Variants in UNC79 observed in about 807,000 individuals in gnomAD.
UNC79 encodes the protein protein unc-79 homolog.
In UNC79, 37 loss-of-function variants were observed where a neutral mutation model predicts 283.1. The ratio of observed to expected loss-of-function variants is 0.13; its 90% CI spans 0.10 to 0.17. The LOEUF (loss-of-function observed/expected upper bound fraction) is 0.17. Among genes scored for constraint, UNC79 ranks in the 10% least tolerant of loss-of-function variants. The pLI is 1.00. For missense variants in UNC79, 2,272 were observed against 3,211.1 expected (o/e 0.71, Z 7.07); for synonymous variants, 1,107 against 1,200.2 (o/e 0.92, Z 1.61).
At chr14:93,336,956 T>C (rs556436754) in intron 1 of UNC79, among the ~76,000 whole-genome samples, 9 of 152,170 alleles carry the variant, frequency 5.9e-5, no homozygotes, top group African/African-American at 1.7e-4. Context: ...TATCCCCTTG[T>C]GATGGTGGTG....
rs138533648 is a variant in UNC79 at position 93,643,615 on chromosome 14, A to G, written c.5962A>G (p.Ile1988Val). Residue 1988 changes from isoleucine (I) to valine (V), a missense_variant, in exon 34 of 49, where the codon ATC becomes GTC. Ile to Val is a conservative substitution (Grantham distance 29, BLOSUM62 3). This residue lies in a region of UNC79 where 287 missense variants were observed against 446.4 expected (regional missense o/e 0.64). Transcript: ENST00000555664. The stretch of plus-strand genomic sequence containing the variant: ...CGATGAAGAGACACTTGGGCTAGCC[A>G]TCGTGGTCCTCTCCACATTCATTCA... 95 of 1,613,760 alleles carry G rather than the reference A, an allele frequency of 5.9e-5. No individual in the cohort carries two copies. The highest frequency in any genetic ancestry group is 4.7e-4 in the African/African-American group (35 of 75,052).
intron 1 of UNC79, among the ~76,000 whole-genome samples, chr14:93,335,556 T>A (rs2053560587): frequency 6.6e-6 from 1 of 152,344 alleles, no homozygotes; most frequent in African/African-American, 2.4e-5. Flanking sequence ...TAGATCTGGA[T>A]GGCCATATGA....
At position 93,368,455 on chromosome 14, in the gene UNC79, A is replaced by G. The variant is rs375012573; in HGVS notation, c.-351+34932A>G. Among the ~76,000 whole-genome samples, 11 of 152,122 alleles carry G rather than the reference A, an allele frequency of 7.2e-5. No individual in the cohort carries two copies. The East Asian group carries it at 1.9e-3, about 27-fold the overall frequency. ...CTTTGACAATAAAATGACAAAAATG[A>G]AAATGTAGAGAAAAAATGCCATTTT... On this transcript the variant is annotated intron_variant, in intron 1 of 49. Transcript: ENST00000256339.
chr14:93,605,031 T>C, intron 26 of UNC79, 70 bp downstream of exon 27: 1 of 1,475,508 alleles, frequency 6.8e-7, no homozygotes, highest in African/African-American at 1.4e-5. Flanking sequence ...GAGAATGCGG[T>C]GTCTCTAACT....
intron 14 of UNC79, among the ~76,000 whole-genome samples, 180 bp from the exon 15 acceptor site, chr14:93,571,714 T>C (rs79350810): frequency 5.4e-4 from 82 of 152,382 alleles, no homozygotes; most frequent in Non-Finnish European, 9.3e-4. Context: ...TTTCTGTAAC[T>C]GATGGATCCT....
chr14:93,663,167 C>G (rs1167802977), intron 40 of UNC79, among the ~76,000 whole-genome samples: 1 of 152,152 alleles, frequency 6.6e-6, no homozygotes, highest in Admixed American at 6.5e-5. Context: ...GTCTGTCTCT[C>G]CAGGTCTGGG....
intron 12 of UNC79, among the ~76,000 whole-genome samples, chr14:93,538,579 G>T (rs1391823335): frequency 6.6e-6 from 1 of 152,062 alleles, no homozygotes. Context: ...AGGTGAAGGG[G>T]CCAATCAGAG....
Position 93,493,901 on chromosome 14 carries a change from A to ATATATT in UNC79, c.713-2509_713-2508insATATTT, listed in dbSNP as rs1251701550. Reference sequence around the variant, plus strand: ...TATATATATATATATATATATATATATTTTTTTTTTTTTTTTTTTGAGATA... The same window carrying ATATATT: ...TATATATATATATATATATATATATATATATTTTTTTTTTTTTTTTTTTTTGAGATA... On this transcript the variant is annotated intron_variant, in intron 5 of 48. Coordinates refer to ENST00000555664, the Ensembl canonical transcript of UNC79. 3.6e-3 allele frequency among the ~76,000 whole-genome samples: 179 copies of ATATATT among 49,226 alleles called. 7 individuals are homozygous for ATATATT. Among genetic ancestry groups the ATATATT allele is most frequent in the East Asian group, 0.029 (39 of 1,332 alleles). 32.3% of individuals were successfully genotyped at this position (49,226 alleles called of 152,430 possible).
chr14:93,469,326 C>A (rs2057378964), intron 2 of UNC79, among the ~76,000 whole-genome samples: 1 of 152,168 alleles, frequency 6.6e-6, no homozygotes, highest in Non-Finnish European at 1.5e-5. Context: ...TCCTATGCAA[C>A]TGAGCTGAGT....
At chr14:93,596,767 A>G (rs2065115120) in intron 23 of UNC79, among the ~76,000 whole-genome samples, 1 of 152,244 alleles carries the variant, frequency 6.6e-6, no homozygotes, top group Admixed American at 6.5e-5. Context: ...TTATAAAGCC[A>G]TGCTTTAAGT....
intron 23 of UNC79, among the ~76,000 whole-genome samples, chr14:93,596,013 G>T (rs2065054608): frequency 6.6e-6 from 1 of 152,182 alleles, no homozygotes; most frequent in African/African-American, 2.4e-5. Flanking sequence ...GGGAGCAATA[G>T]AAAGAAGTGT....
At chr14:93,350,677 T>G (rs2053965385) in intron 1 of UNC79, among the ~76,000 whole-genome samples, 1 of 152,194 alleles carries the variant, frequency 6.6e-6, no homozygotes, top group Admixed American at 6.5e-5. Flanking sequence ...TTTTGATTTT[T>G]AATTATATAA....
chr14:93,439,825 T>A (rs1207632830), intron 1 of UNC79, among the ~76,000 whole-genome samples: 3 of 152,304 alleles, frequency 2.0e-5, no homozygotes, highest in African/African-American at 7.2e-5. Flanking sequence ...TCAATTTTGG[T>A]AAGTTTTATT....
intron 1 of UNC79, among the ~76,000 whole-genome samples, chr14:93,370,581 G>T (rs1022546957): frequency 6.6e-5 from 10 of 152,170 alleles, no homozygotes; most frequent in Non-Finnish European, 5.9e-5. Context: ...GACCATCCTG[G>T]CTGACACGGT....
intron 47 of UNC79, among the ~76,000 whole-genome samples, chr14:93,695,471 G>A (rs2075025329): frequency 6.6e-6 from 1 of 152,170 alleles, no homozygotes; most frequent in African/African-American, 2.4e-5. Flanking sequence ...CAACACTGTT[G>A]GAGTGCAGTG....
chr14:93,347,904 A>G (rs984381177), intron 1 of UNC79: 3 of 586,586 alleles, frequency 5.1e-6, no homozygotes, highest in Non-Finnish European at 9.3e-6. Context: ...AGATTTCACT[A>G]GGCGCCTGTT....
chr14:93,509,585 C>T (rs757713190), intron 7 of UNC79, among the ~76,000 whole-genome samples: 6 of 152,132 alleles, frequency 3.9e-5, no homozygotes, highest in Non-Finnish European at 7.4e-5. Context: ...CCATGAAGTC[C>T]GAAACCCAGC....
At chr14:93,527,192 A>G (rs1216786423) in intron 8 of UNC79, among the ~76,000 whole-genome samples, 1 of 152,222 alleles carries the variant, frequency 6.6e-6, no homozygotes, top group Middle Eastern at 3.2e-3. Flanking sequence ...AGCCCAGATA[A>G]TTATCTAAGG....
intron 30 of UNC79, 72 bp downstream of exon 32, chr14:93,622,913 A>G: frequency 6.5e-7 from 1 of 1,541,594 alleles, no homozygotes. Flanking sequence ...GGGTACCGGC[A>G]CTGAATATGC....
Sources: gnomAD v4.1 joint callset for allele counts (sites outside exome capture counted in the v4.1 genomes callset) on GRCh38, gnomAD v4.1.1 for gene constraint, gnomAD v4.1.1 regional missense constraint, MANE v1.5 for transcripts, NCBI Gene and HGNC (gene_info 2026-07-23, HGNC 2026-07-21) for gene names.